Variants in VPS50 observed in about 807,000 individuals in gnomAD.
VPS50 encodes the protein syndetin.
A neutral mutation model predicts 139.7 loss-of-function variants in VPS50; 70 were observed. That is an observed-to-expected ratio of 0.50 (90% CI 0.41 to 0.61). The LOEUF is 0.61. Among genes scored for constraint, VPS50 ranks in the 20% least tolerant of loss-of-function variants. VPS50 has a pLI of 0.00. For synonymous variants in VPS50, 365 were observed against 376.7 expected, an observed-to-expected ratio of 0.97 and a Z score of 0.36; for missense variants, 921 against 1,133.7, an observed-to-expected ratio of 0.81 and a Z score of 2.69.
chr7:93,262,137 G>A (rs1325821765), intron 9 of VPS50, among the ~76,000 whole-genome samples: 1 of 152,194 alleles, frequency 6.6e-6, no homozygotes, highest in Non-Finnish European at 1.5e-5. Context: ...GATTATAGCA[G>A]AGATTGACTT....
intron 9 of VPS50, among the ~76,000 whole-genome samples, chr7:93,266,056 T>C (rs953640391): frequency 1.3e-5 from 2 of 152,180 alleles, no homozygotes; most frequent in Non-Finnish European, 1.5e-5. Context: ...TTCTCTGAGG[T>C]CTGCTGATAA....
At position 93,321,757 on chromosome 7, in the gene VPS50, C is replaced by T. The variant is rs569342081; in HGVS notation, c.1856-1854C>T. ...GTATATAAACGATGGTTAATCTTTTCGGGAATGGAGAGGACCTCGTGTTCT... is the reference window on the plus strand; with the variant it reads ...GTATATAAACGATGGTTAATCTTTTTGGGAATGGAGAGGACCTCGTGTTCT... On this transcript the variant is annotated intron_variant, in intron 20 of 27. Transcript: ENST00000305866. 2.0e-5 allele frequency among the ~76,000 whole-genome samples: 3 copies of T among 152,158 alleles called. No individual in the cohort carries two copies. In the East Asian group the frequency reaches 5.8e-4, roughly 29 times the overall value.
chr7:93,332,300 T>G (rs9918592), intron 21 of VPS50, among the ~76,000 whole-genome samples: 5 of 151,998 alleles, frequency 3.3e-5, no homozygotes, highest in African/African-American at 1.2e-4. Context: ...TGGAAGGAGA[T>G]AGTAAGCTCT....
chr7:93,234,871 T>C (rs1355538759), intron 1 of VPS50, among the ~76,000 whole-genome samples: 1 of 152,086 alleles, frequency 6.6e-6, no homozygotes, highest in Non-Finnish European at 1.5e-5. Context: ...TCCATCATGC[T>C]CACCTCTGTT....
chr7:93,321,335 G>A (rs1263860583), intron 20 of VPS50, among the ~76,000 whole-genome samples: 1 of 152,126 alleles, frequency 6.6e-6, no homozygotes, highest in Non-Finnish European at 1.5e-5. Flanking sequence ...TCATTGTAAT[G>A]TTCTCTTTTA....
At chr7:93,246,801 A>T (rs1041160264) in intron 2 of VPS50, among the ~76,000 whole-genome samples, 8 of 151,802 alleles carry the variant, frequency 5.3e-5, no homozygotes, top group Non-Finnish European at 1.0e-4. Flanking sequence ...TGAGTGATGA[A>T]CTCTTAAGTG....
At chr7:93,341,378 A>G (rs1798205157) in intron 22 of VPS50, 49 bp from the exon 23 acceptor site, 1 of 1,360,142 alleles carries the variant, frequency 7.4e-7, no homozygotes, top group Non-Finnish European at 1.0e-6. Flanking sequence ...CACGTGGTTT[A>G]TTACTGTTAG....
rs1794659754 is a variant in VPS50 at position 93,232,452 on chromosome 7, T to C, written c.-16T>C. On this transcript the variant is annotated 5_prime_UTR_variant, in exon 1 of 28. Coordinates refer to ENST00000305866, the MANE Select transcript of VPS50 (RefSeq NM_017667.4). ...GTTAGCTCTTTGAGGCAGGGTACCC[T>C]CCTCAGGATTTCGATATGCAAAAAA... The C allele has an allele frequency of 6.2e-7, 1 of 1,610,612 alleles. No individual in the cohort carries two copies. Among genetic ancestry groups the C allele is most frequent in the Non-Finnish European group, 8.5e-7 (1 of 1,177,052 alleles).
Position 93,360,956 on chromosome 7 carries a change from A to G in VPS50, c.*2520A>G, listed in dbSNP as rs998491400. On this transcript the variant is annotated 3_prime_UTR_variant, in exon 28 of 28. Coordinates refer to ENST00000305866, the MANE Select transcript of VPS50 (RefSeq NM_017667.4). ...TGAAACCAGGGCCATATGGTATTTTATCATATCTTTAAATAAAATTTCGAA... is the reference window on the plus strand; with the variant it reads ...TGAAACCAGGGCCATATGGTATTTTGTCATATCTTTAAATAAAATTTCGAA... 29 of 151,970 alleles carry G rather than the reference A, an allele frequency of 1.9e-4. No homozygotes were observed. The highest frequency in any genetic ancestry group is 1.4e-3 in the Admixed American group (21 of 15,222). 9.4% of individuals were successfully genotyped at this position (151,970 alleles called of 1,614,324 possible).
intron 9 of VPS50, among the ~76,000 whole-genome samples, chr7:93,263,253 A>G (rs368088327): frequency 2.6e-5 from 4 of 152,196 alleles, no homozygotes; most frequent in African/African-American, 7.2e-5. Flanking sequence ...GTGAATAAGC[A>G]TTTTACATTC....
chr7:93,317,805 T>G (rs1445648989), intron 20 of VPS50, among the ~76,000 whole-genome samples: 1 of 152,212 alleles, frequency 6.6e-6, no homozygotes, highest in Non-Finnish European at 1.5e-5. Context: ...AAATAGTAGC[T>G]TCTTTTGTTT....
At chr7:93,293,959 A>C (rs1450973894) in intron 13 of VPS50, among the ~76,000 whole-genome samples, 1 of 152,196 alleles carries the variant, frequency 6.6e-6, no homozygotes, top group African/African-American at 2.4e-5. Context: ...TATTCACACA[A>C]AAGTTTCATC....
At chr7:93,274,486 G>A (rs1196648252) in intron 11 of VPS50, among the ~76,000 whole-genome samples, 6 of 152,094 alleles carry the variant, frequency 3.9e-5, no homozygotes, top group East Asian at 1.9e-4. Context: ...ATAGCACATC[G>A]ATTACAACAT....
chr7:93,236,183 T>C (rs1794795200), intron 1 of VPS50, among the ~76,000 whole-genome samples: 1 of 152,178 alleles, frequency 6.6e-6, no homozygotes, highest in Non-Finnish European at 1.5e-5. Flanking sequence ...ATGCTGCAGA[T>C]TGGTCAAGTA....
At chr7:93,328,726 A>C (rs984097083) in intron 21 of VPS50, among the ~76,000 whole-genome samples, 1 of 152,166 alleles carries the variant, frequency 6.6e-6, no homozygotes, top group African/African-American at 2.4e-5. Context: ...AGCACAAGAA[A>C]ACCTGAAGTT....
intron 2 of VPS50, among the ~76,000 whole-genome samples, chr7:93,244,017 A>G (rs1795076217): frequency 2.0e-5 from 3 of 151,866 alleles, no homozygotes; most frequent in Admixed American, 6.6e-5. Flanking sequence ...TAATTAACTC[A>G]TAAATAGTAA....
rs776448439 is a variant in VPS50, at chr7:93,353,692, T to C, written c.2516T>C (p.Ile839Thr). 1.9e-6 allele frequency: 3 copies of C among 1,612,886 alleles called. No individual in the cohort carries two copies. In the South Asian group the frequency reaches 3.3e-5, roughly 18 times the overall value. ...AATGAAGTTTCTAAGAGAGTTCGCA[T>C]ACCCTTGCCTGTGTCTAATATACTT... ...RLNEVSKRVR[I>T]PLPVSNILWE... Residue 839 changes from isoleucine (I) to threonine (T), a missense_variant, in exon 26 of 28, where the codon ATA becomes ACA. By Grantham distance (89) the Ile-to-Thr change is moderately conservative. Transcript: ENST00000305866.
At chr7:93,263,470 T>C (rs960755681) in intron 9 of VPS50, among the ~76,000 whole-genome samples, 2 of 152,212 alleles carry the variant, frequency 1.3e-5, no homozygotes, top group African/African-American at 4.8e-5. Context: ...AGCAAGTTTA[T>C]ATGCACAGTA....
intron 9 of VPS50, among the ~76,000 whole-genome samples, chr7:93,261,614 C>A (rs889966742): frequency 8.4e-5 from 12 of 142,390 alleles, no homozygotes; most frequent in Non-Finnish European, 1.8e-4. Context: ...GGAGGCAGAG[C>A]TTGCAGTGAG....
Sources: gnomAD v4.1 joint callset for allele counts (sites outside exome capture counted in the v4.1 genomes callset) on GRCh38, gnomAD v4.1.1 for gene constraint, MANE v1.5 for transcripts, NCBI Gene and HGNC (gene_info 2026-07-23, HGNC 2026-07-21) for gene names.